Variants in IPPK observed in about 807,000 individuals in gnomAD.
IPPK encodes the protein inositol-pentakisphosphate 2-kinase.
Under a neutral mutation model 64.6 loss-of-function variants are expected in IPPK, and 22 were observed. The observed-to-expected ratio is 0.34, with a 90% CI of 0.24 to 0.49. The LOEUF is 0.49. IPPK is among the 20% of genes least tolerant of loss of function. The pLI is 0.99. For synonymous variants in IPPK, 262 were observed against 247.2 expected (o/e 1.06, Z -0.56); for missense variants, 532 against 630.7 (o/e 0.84, Z 1.68).
chr9:92,642,165 T>TCC (rs887172589), intron 7 of IPPK, among the ~76,000 whole-genome samples: 2 of 152,134 alleles, frequency 1.3e-5, no homozygotes, highest in African/African-American at 4.8e-5. Context: ...GGACTGACCC[T>TCC]CCCCAGCTCC....
intron 4 of IPPK, 30 bp from the exon 5 acceptor site, chr9:92,649,604 C>G: frequency 1.2e-6 from 2 of 1,612,210 alleles, no homozygotes; most frequent in African/African-American, 2.7e-5. Context: ...TCACACAGAG[C>G]AAGGTCAGTG....
At position 92,616,057 on chromosome 9, in the gene IPPK, G is replaced by A. The variant is rs141278281; in HGVS notation, c.1251C>T (p.Ser417=). The change falls in exon 13 of 13, where the codon AGC becomes AGT. Residue 417 remains serine (S), a splice_region_variant and synonymous_variant. Transcript: ENST00000287996. ...AAGGGACGACAGGCCTTTGATCAGA[G>A]CTGCAAGTAAAAAGTACCATTTCAG... The part of the protein sequence containing the change: ...IALSPCLQDA[S]SDQRPVVPSS... 202 of 1,611,086 alleles carry A rather than the reference G, an allele frequency of 1.3e-4. No individual in the cohort carries two copies. The African/African-American group carries it at 2.3e-3, about 18-fold the overall frequency.
intron 11 of IPPK, among the ~76,000 whole-genome samples, chr9:92,632,322 T>C (rs1485596199): frequency 6.6e-6 from 1 of 152,204 alleles, no homozygotes; most frequent in Non-Finnish European, 1.5e-5. Context: ...TCATTTTCCA[T>C]CCCCATCAGC....
In IPPK at chr9:92,652,653, C is replaced by A; in HGVS notation, c.226-14G>T. ...CTGAACGACCTCCTGTAAGAAAATA[C>A]ATGAAATTCTCAGTGTGAATTGCAC... On this transcript the variant is annotated splice_polypyrimidine_tract_variant and intron_variant, in intron 3 of 12. Coordinates refer to ENST00000287996, the MANE Select transcript of IPPK (RefSeq NM_022755.6). 6.7e-7 allele frequency: 1 copy of A among 1,503,416 alleles called. No individual in the cohort carries two copies. Among genetic ancestry groups the A allele is most frequent in the Non-Finnish European group, 9.1e-7 (1 of 1,093,968 alleles). 93.1% of individuals were successfully genotyped at this position (1,503,416 alleles called of 1,614,324 possible).
At chr9:92,664,860 T>G (rs887004796) in intron 1 of IPPK, among the ~76,000 whole-genome samples, 1 of 152,242 alleles carries the variant, frequency 6.6e-6, no homozygotes, top group Non-Finnish European at 1.5e-5. Context: ...AGCTTTGCTC[T>G]GACTGAATTC....
intron 11 of IPPK, among the ~76,000 whole-genome samples, chr9:92,633,602 G>A: frequency 6.6e-6 from 1 of 151,408 alleles, no homozygotes. Flanking sequence ...TTGGTTTTAA[G>A]TAATTCTCCC....
chr9:92,661,199 G>A (rs961894568), intron 1 of IPPK, among the ~76,000 whole-genome samples: 1 of 152,236 alleles, frequency 6.6e-6, no homozygotes, highest in Admixed American at 6.5e-5. Context: ...GACTGCACAA[G>A]GGCAGATCAG....
rs552062215 is a variant in IPPK at position 92,650,331 on chromosome 9, A to AC, written c.293-758_293-757insG. 8.5e-5 allele frequency among the ~76,000 whole-genome samples: 13 copies of AC among 152,232 alleles called. No individual in the cohort carries two copies. The South Asian group carries it at 2.7e-3, about 32-fold the overall frequency. ...GAAGGAGCAAGACTCCATCTCAAAA[A>AC]AAAAAACAAAAACAAAAACAAAAAA... On this transcript the variant is annotated intron_variant, in intron 4 of 12. Transcript: ENST00000287996.
intron 1 of IPPK, among the ~76,000 whole-genome samples, chr9:92,664,281 C>G (rs998922794): frequency 4.6e-5 from 7 of 152,244 alleles, no homozygotes; most frequent in African/African-American, 1.7e-4. Context: ...AATGTATGGC[C>G]TCAGATAGAA....
At position 92,656,549 on chromosome 9, in the gene IPPK, G is replaced by A. The variant is rs377506868; in HGVS notation, c.132C>T (p.Thr44=). ...FLKFPPNRKK[T]SEEIFQHLQN... ...GCAGGTGTTGAAATATCTCTTCCGA[G>A]GTCTGTAAGAGACAACCACAGGACA... The change falls in exon 3 of 13, where the codon ACC becomes ACT. Residue 44 remains threonine, a splice_region_variant and synonymous_variant. Coordinates refer to ENST00000287996, the MANE Select transcript of IPPK (RefSeq NM_022755.6). The A allele has an allele frequency of 3.7e-5, 59 of 1,605,136 alleles. No homozygotes were observed. Among genetic ancestry groups the A allele is most frequent in the Non-Finnish European group, 4.9e-5 (58 of 1,172,076 alleles).
Position 92,615,833 on chromosome 9 carries a change from T to TA in IPPK, c.1474dup (p.Ter492LeufsTer9), listed in dbSNP as rs767903418. On this transcript the variant is annotated frameshift_variant and stop_lost, in exon 13 of 13. Transcript: ENST00000287996. LOFTEE classifies it high-confidence loss of function. ...TTCAAAGACACTGCAGGGAAAGAGTTAGACCTTGTGGAGAACTAATGTGCA... is the reference window on the plus strand; with the variant it reads ...TTCAAAGACACTGCAGGGAAAGAGTTAAGACCTTGTGGAGAACTAATGTGCA... 1.9e-6 allele frequency: 3 copies of TA among 1,608,900 alleles called. No homozygotes were observed. The highest frequency in any genetic ancestry group is 2.6e-6 in the Non-Finnish European group (3 of 1,175,300).
chr9:92,652,587 T>C lies in IPPK; in HGVS notation c.278A>G (p.Gln93Arg). Residue 93 changes from glutamine (Q) to arginine (R), a missense_variant, in exon 4 of 13, where the codon CAA (glutamine) becomes CGA (arginine). Coordinates refer to ENST00000287996, the MANE Select transcript of IPPK (RefSeq NM_022755.6). The part of the protein sequence containing the change: ...EFVKQLCLKI[Q>R]SERPESRCDK... ...AACACCCTTACCTGGTCTTTCAGAT[T>C]GTATCTTTAAACAAAGCTGTTTCAC... 1 of 1,560,650 alleles carries C rather than the reference T, an allele frequency of 6.4e-7. No individual in the cohort carries two copies. The highest frequency in any genetic ancestry group is 8.8e-7 in the Non-Finnish European group (1 of 1,141,072).
At chr9:92,633,299 C>A (rs1427628315) in intron 11 of IPPK, among the ~76,000 whole-genome samples, 1 of 151,712 alleles carries the variant, frequency 6.6e-6, no homozygotes, top group Non-Finnish European at 1.5e-5. Flanking sequence ...GCGTGAGCCA[C>A]CACACCCGGC....
intron 8 of IPPK, among the ~76,000 whole-genome samples, chr9:92,639,589 A>G (rs938506964): frequency 6.6e-6 from 1 of 152,228 alleles, no homozygotes; most frequent in Non-Finnish European, 1.5e-5. Flanking sequence ...GCAGACAGCC[A>G]GAGTTCCAGA....
chr9:92,668,224 C>A (rs561094671), intron 1 of IPPK, among the ~76,000 whole-genome samples: 1 of 152,102 alleles, frequency 6.6e-6, no homozygotes, highest in Admixed American at 6.5e-5. Flanking sequence ...GCCGAGATCG[C>A]GCCACTGCAC....
chr9:92,664,788 T>C (rs879812), intron 1 of IPPK, among the ~76,000 whole-genome samples: 44,206 of 152,134 alleles, frequency 0.29, 7,349 homozygotes, highest in East Asian at 0.77. Flanking sequence ...GCAGACACAG[T>C]AATGATGCTT....
intron 11 of IPPK, among the ~76,000 whole-genome samples, chr9:92,630,416 G>C (rs1851816979): frequency 6.6e-6 from 1 of 152,226 alleles, no homozygotes; most frequent in Admixed American, 6.5e-5. Context: ...AAAGGGTACA[G>C]GGTTTTTACT....
intron 6 of IPPK, among the ~76,000 whole-genome samples, chr9:92,644,591 G>A (rs971492058): frequency 3.3e-5 from 5 of 152,120 alleles, no homozygotes; most frequent in African/African-American, 1.2e-4. Context: ...TTTCCCCATG[G>A]GCATTTGTCA....
chr9:92,621,506 C>T (rs1487211391), intron 11 of IPPK, among the ~76,000 whole-genome samples: 3 of 115,752 alleles, frequency 2.6e-5, no homozygotes, highest in Non-Finnish European at 5.2e-5. Context: ...TAATACCATT[C>T]CTTTTTTTTT....
Sources: allele counts gnomAD v4.1 joint callset (sites outside exome capture counted in the v4.1 genomes callset), GRCh38; gene constraint gnomAD v4.1.1; transcripts MANE v1.5; gene names NCBI Gene and HGNC (gene_info 2026-07-23, HGNC 2026-07-21).